PPP2R2B: variants seen among roughly 807,000 people sequenced by gnomAD.
PPP2R2B encodes serine/threonine-protein phosphatase 2A 55 kDa regulatory subunit B beta isoform.
PPP2R2B carries 5 observed loss-of-function variants against 46.0 expected under a neutral mutation model. The observed-to-expected ratio is 0.11, with a 90% CI of 0.06 to 0.23. PPP2R2B has a LOEUF of 0.23. Ranked by LOEUF, PPP2R2B falls within the 10% of genes least tolerant of loss-of-function variation. The pLI, the probability that PPP2R2B is intolerant of heterozygous loss-of-function variation, is 1.00. For missense variants in PPP2R2B, 367 were observed against 575.0 expected, an observed-to-expected ratio of 0.64 and a Z score of 3.70; for synonymous variants, 215 against 206.7, an observed-to-expected ratio of 1.04 and a Z score of -0.34.
At chr5:146,708,488 A>G (rs1165926360) in intron 2 of PPP2R2B, among the ~76,000 whole-genome samples, 1 of 152,144 alleles carries the variant, frequency 6.6e-6, no homozygotes, top group East Asian at 1.9e-4. Context: ...TGACAAATGC[A>G]TAGAGATATG....
chr5:146,798,339 T>C (rs1451898249), intron 2 of PPP2R2B, among the ~76,000 whole-genome samples: 2 of 152,196 alleles, frequency 1.3e-5, no homozygotes, highest in Non-Finnish European at 2.9e-5. Flanking sequence ...AACCTTCCCC[T>C]GATGAAGGCT....
chr5:146,832,807 T>G (rs1320184534), intron 2 of PPP2R2B, among the ~76,000 whole-genome samples: 1 of 152,092 alleles, frequency 6.6e-6, no homozygotes, highest in Non-Finnish European at 1.5e-5. Context: ...GCTGTACAGG[T>G]TTATAGTCCA....
chr5:146,917,444 T>G (rs909249874), intron 1 of PPP2R2B, among the ~76,000 whole-genome samples: 7 of 152,248 alleles, frequency 4.6e-5, no homozygotes, highest in African/African-American at 1.7e-4. Context: ...CAGCATTATA[T>G]ATGAGCCTCA....
intron 2 of PPP2R2B, among the ~76,000 whole-genome samples, chr5:146,832,875 T>C (rs551449445): frequency 1.6e-4 from 25 of 152,088 alleles, no homozygotes; most frequent in South Asian, 1.2e-3. Context: ...CACCCCAGGT[T>C]TGTGTAAGTA....
At chr5:146,956,117 A>C (rs1751892943) in intron 1 of PPP2R2B, among the ~76,000 whole-genome samples, 1 of 152,078 alleles carries the variant, frequency 6.6e-6, no homozygotes, top group African/African-American at 2.4e-5. Context: ...AATAGTTATG[A>C]AGGGATATCA....
chr5:146,895,322 G>T (rs1762611747), intron 1 of PPP2R2B, among the ~76,000 whole-genome samples: 1 of 152,190 alleles, frequency 6.6e-6, no homozygotes, highest in Non-Finnish European at 1.5e-5. Context: ...TGCTCTCATA[G>T]CACCAAGTGT....
intron 2 of PPP2R2B, chr5:146,751,251 G>A (rs562494882): frequency 1.3e-5 from 2 of 152,394 alleles, no homozygotes; most frequent in Admixed American, 6.5e-5. Flanking sequence ...TTAAATAACA[G>A]TGCAGAGCTC....
At chr5:146,832,247 T>G (rs1433748323) in intron 2 of PPP2R2B, among the ~76,000 whole-genome samples, 1 of 152,130 alleles carries the variant, frequency 6.6e-6, no homozygotes. Flanking sequence ...TTACAGTGTT[T>G]ATAGCAGTGT....
Position 147,054,754 on chromosome 5 carries a change from C to T in PPP2R2B, c.79+911G>A, listed in dbSNP as rs963091938. 147 of 454,336 alleles carry T rather than the reference C, an allele frequency of 3.2e-4. 1 individual carries two copies. The East Asian group carries it at 5.5e-3, about 17-fold the overall frequency. The allele number at this position is 454,336 out of a possible 1,614,324, so 28.1% of individuals were successfully genotyped here. On this transcript the variant is annotated intron_variant, in intron 1 of 8. Coordinates refer to the PPP2R2B transcript ENST00000336640. ...CTAGACATGAGTTGGAGTCACAACACCTCAGCATCCTCAACCCTTTTCAAT... is the reference window on the plus strand; with the variant it reads ...CTAGACATGAGTTGGAGTCACAACATCTCAGCATCCTCAACCCTTTTCAAT...
chr5:146,900,225 T>G (rs539642550), intron 1 of PPP2R2B, among the ~76,000 whole-genome samples: 1 of 152,260 alleles, frequency 6.6e-6, no homozygotes, highest in East Asian at 1.9e-4. Flanking sequence ...ACCCAAGGAA[T>G]AAGTGTCAAA....
At chr5:146,918,051 G>C (rs1428987669) in intron 1 of PPP2R2B, 1 of 152,118 alleles carries the variant, frequency 6.6e-6, no homozygotes, top group Non-Finnish European at 1.5e-5. Flanking sequence ...CCTGGCACTG[G>C]CTTTCCTTGA....
chr5:146,695,610 C>G (rs1322695277), intron 4 of PPP2R2B, among the ~76,000 whole-genome samples: 1 of 152,116 alleles, frequency 6.6e-6, no homozygotes, highest in East Asian at 1.9e-4. Flanking sequence ...TCATTCTTGA[C>G]TTTATTATCA....
In PPP2R2B at chr5:146,845,454, C is replaced by T. The variant is rs564866042; in HGVS notation, c.70+32548G>A. The stretch of plus-strand genomic sequence containing the variant: ...ACTTTTAGTAGAGACGGGGTTTCAC[C>T]GTGTTAGCCAGGATGGTCTTGATCT... On this transcript the variant is annotated intron_variant, in intron 2 of 9. Transcript: ENST00000394411. Among the ~76,000 whole-genome samples the T allele has an allele frequency of 1.4e-4, 21 of 150,318 alleles. No individual in the cohort carries two copies. The East Asian group carries it at 3.5e-3, about 25-fold the overall frequency.
chr5:146,983,568 G>A (rs149735188), intron 1 of PPP2R2B, among the ~76,000 whole-genome samples: 87 of 152,194 alleles, frequency 5.7e-4, no homozygotes, highest in African/African-American at 8.2e-4. Flanking sequence ...TCCTGGGGGC[G>A]TCATTTTCCC....
intron 1 of PPP2R2B, among the ~76,000 whole-genome samples, chr5:146,970,579 C>A (rs1392433833): frequency 6.6e-6 from 1 of 151,364 alleles, no homozygotes; most frequent in African/African-American, 2.4e-5. Flanking sequence ...GTCTAGGGGA[C>A]AGAGGAGACT....
intron 1 of PPP2R2B, among the ~76,000 whole-genome samples, chr5:147,007,244 G>A (rs1392156860): frequency 6.6e-6 from 1 of 152,104 alleles, no homozygotes; most frequent in East Asian, 1.9e-4. Flanking sequence ...AGCAGTCATC[G>A]CCCAATTCCC....
rs547866488 is a variant in PPP2R2B at position 146,590,256 on chromosome 5, T to TATC, written c.1053-33_1053-31dup. On this transcript the variant is annotated intron_variant, in intron 9 of 9. Coordinates refer to ENST00000394411, the MANE Select transcript of PPP2R2B (RefSeq NM_181675.4). ...AAGGCAGAGAGCAAAGGCAATGACATATCTTCACTGTCTTTTCTTTTTGGA... is the reference window on the plus strand; with the variant it reads ...AAGGCAGAGAGCAAAGGCAATGACATATCATCTTCACTGTCTTTTCTTTTTGGA... 3,000 of 1,536,412 alleles carry TATC rather than the reference T, an allele frequency of 2.0e-3. 6 individuals are homozygous for TATC. The highest frequency in any genetic ancestry group is 2.9e-3 in the Admixed American group (166 of 56,786).
intron 5 of PPP2R2B, among the ~76,000 whole-genome samples, chr5:146,665,082 G>C (rs322975): frequency 0.72 from 110,128 of 152,020 alleles, 42,488 homozygotes; most frequent in Non-Finnish European, 0.86. Context: ...AAGGGCCCCA[G>C]GACTTTCAGA....
chr5:147,042,869 G>A (rs908473469), intron 1 of PPP2R2B, among the ~76,000 whole-genome samples: 1 of 152,050 alleles, frequency 6.6e-6, no homozygotes, highest in Non-Finnish European at 1.5e-5. Flanking sequence ...GCTGAGGGAA[G>A]AGCATTCCAG....
Sources: allele counts gnomAD v4.1 joint callset (sites outside exome capture counted in the v4.1 genomes callset), GRCh38; gene constraint gnomAD v4.1.1; transcripts MANE v1.5; gene names NCBI Gene and HGNC (gene_info 2026-07-23, HGNC 2026-07-21).